The following CHL1 variants were observed in gnomAD, a reference collection of about 807,000 sequenced individuals.
CHL1 encodes neural cell adhesion molecule L1-like protein.
In CHL1, 96 loss-of-function variants were observed where a neutral mutation model predicts 141.9. The observed-to-expected ratio is 0.68, with a 90% CI of 0.57 to 0.80. The LOEUF is 0.80. Ranked by LOEUF, CHL1 falls within the 30% of genes least tolerant of loss-of-function variation. The pLI, the probability that CHL1 is intolerant of heterozygous loss-of-function variation, is 0.00. For missense variants in CHL1, 1,820 were observed against 1,457.2 expected (o/e 1.25, Z -4.05); for synonymous variants, 613 against 502.2 (o/e 1.22, Z -2.95).
intron 2 of CHL1, among the ~76,000 whole-genome samples, chr3:267,192 A>G (rs1421104893): frequency 6.6e-6 from 1 of 152,226 alleles, no homozygotes; most frequent in Non-Finnish European, 1.5e-5. Context: ...AATTCAACAA[A>G]TAAGCCATGT....
intron 3 of CHL1, among the ~76,000 whole-genome samples, chr3:324,282 G>T (rs924799600): frequency 6.6e-6 from 1 of 152,022 alleles, no homozygotes; most frequent in Non-Finnish European, 1.5e-5. Flanking sequence ...TTTAAGTTAG[G>T]CTCTGTGCCT....
chr3:336,763 T>C (rs1351655130), intron 5 of CHL1, among the ~76,000 whole-genome samples: 2 of 152,218 alleles, frequency 1.3e-5, no homozygotes, highest in African/African-American at 2.4e-5. Flanking sequence ...TTTCTGTATA[T>C]TATGTTGAAA....
At chr3:329,118 A>G (rs1253265967) in intron 5 of CHL1, among the ~76,000 whole-genome samples, 3 of 152,100 alleles carry the variant, frequency 2.0e-5, no homozygotes, top group South Asian at 4.1e-4. Flanking sequence ...CCCTATGTGC[A>G]TGGGATATCC....
intron 19 of CHL1, chr3:384,620 T>A (rs1559342081): frequency 1.3e-5 from 2 of 152,216 alleles, no homozygotes; most frequent in Non-Finnish European, 2.9e-5. Flanking sequence ...CAGTGGGGCA[T>A]TTTATTTTCT....
intron 1 of CHL1, among the ~76,000 whole-genome samples, chr3:237,146 G>T (rs914110993): frequency 6.6e-6 from 1 of 152,246 alleles, no homozygotes; most frequent in South Asian, 2.1e-4. Context: ...CCCATGTGTT[G>T]GGGGAAGGAC....
intron 18 of CHL1, among the ~76,000 whole-genome samples, chr3:383,491 T>G (rs115165733): frequency 2.6e-5 from 4 of 151,758 alleles, no homozygotes; most frequent in Non-Finnish European, 4.4e-5. Context: ...TAAATTAAAA[T>G]TTTTTTTTAA....
intron 1 of CHL1, among the ~76,000 whole-genome samples, chr3:205,104 C>CTTTCTTTTT (rs59728908): frequency 8.5e-5 from 11 of 129,132 alleles, no homozygotes; most frequent in Non-Finnish European, 1.4e-4. Flanking sequence ...TTCTTTCTTT[C>CTTTCTTTTT]TTTTTTTTTT....
At chr3:379,429 T>TC (rs898975525) in intron 16 of CHL1, among the ~76,000 whole-genome samples, 1 of 152,100 alleles carries the variant, frequency 6.6e-6, no homozygotes, top group Non-Finnish European at 1.5e-5. Context: ...AAAGGTTTAA[T>TC]CCCCTAGGAT....
intron 16 of CHL1, among the ~76,000 whole-genome samples, chr3:379,079 C>T (rs74491936): frequency 0.044 from 6,638 of 152,132 alleles, 289 homozygotes; most frequent in African/African-American, 0.11. Flanking sequence ...TCACTGTTAT[C>T]AACAGACCTT....
At chr3:287,869 G>A (rs368332979) in intron 2 of CHL1, among the ~76,000 whole-genome samples, 6 of 152,114 alleles carry the variant, frequency 3.9e-5, no homozygotes, top group South Asian at 2.1e-4. Context: ...GGGTTGAAGC[G>A]ATTCTCCTGC....
At position 391,204 on chromosome 3, in the gene CHL1, C is replaced by A. The variant is rs778768442; in HGVS notation, c.2791+45C>A. Reference sequence around the variant, plus strand: ...GAGTCATGTCAAAAATGGAGGTGATCCATGGCCATATTAAACATTCTTCCT... The same window carrying A: ...GAGTCATGTCAAAAATGGAGGTGATACATGGCCATATTAAACATTCTTCCT... On this transcript the variant is annotated intron_variant, in intron 22 of 27. Transcript: ENST00000256509. 2.0e-5 allele frequency: 28 copies of A among 1,427,768 alleles called. No homozygotes were observed. The Admixed American group carries it at 4.7e-4, about 24-fold the overall frequency. 88.4% of individuals were successfully genotyped at this position (1,427,768 alleles called of 1,614,324 possible).
chr3:262,709 G>T (rs1694836029), intron 2 of CHL1, among the ~76,000 whole-genome samples: 1 of 152,204 alleles, frequency 6.6e-6, no homozygotes, highest in South Asian at 2.1e-4. Flanking sequence ...GCTCAACTCT[G>T]GAAGAATTTT....
At chr3:198,064 C>A (rs1698537303) in intron 1 of CHL1, 2 of 299,040 alleles carry the variant, frequency 6.7e-6, no homozygotes, top group Non-Finnish European at 1.3e-5. Context: ...AAACCACGGG[C>A]CGGAGGAGCA....
At chr3:323,547 T>C (rs190729495) in intron 3 of CHL1, among the ~76,000 whole-genome samples, 11 of 152,266 alleles carry the variant, frequency 7.2e-5, no homozygotes, top group African/African-American at 2.6e-4. Context: ...TTTCAATGAA[T>C]GTTTAAAAAA....
chr3:347,885 C>A (rs1553580996), intron 9 of CHL1, among the ~76,000 whole-genome samples: 1 of 152,142 alleles, frequency 6.6e-6, no homozygotes, highest in Non-Finnish European at 1.5e-5. Context: ...CCAGGCTGCA[C>A]AGCACGTTAG....
intron 2 of CHL1, among the ~76,000 whole-genome samples, chr3:254,574 G>A (rs953017511): frequency 2.0e-5 from 3 of 152,236 alleles, no homozygotes; most frequent in African/African-American, 2.4e-5. Flanking sequence ...TATAAGCCAC[G>A]TATCTTGGTG....
chr3:323,761 A>T (rs976733978), intron 3 of CHL1, among the ~76,000 whole-genome samples: 7 of 152,204 alleles, frequency 4.6e-5, no homozygotes, highest in Admixed American at 2.0e-4. Flanking sequence ...GCCACTCGAA[A>T]GGCTGAGGCG....
At chr3:274,908 A>G (rs993183876) in intron 2 of CHL1, among the ~76,000 whole-genome samples, 22 of 152,144 alleles carry the variant, frequency 1.4e-4, no homozygotes, top group African/African-American at 5.3e-4. Context: ...TGGCATCTTC[A>G]TTTATTATTC....
At chr3:204,192 A>G (rs146811812) in intron 1 of CHL1, among the ~76,000 whole-genome samples, 44 of 152,358 alleles carry the variant, frequency 2.9e-4, no homozygotes, top group African/African-American at 1.0e-3. Context: ...AGAATAATGT[A>G]AAAGATGTAT....
Sources: allele counts gnomAD v4.1 joint callset (sites outside exome capture counted in the v4.1 genomes callset), GRCh38; gene constraint gnomAD v4.1.1; transcripts MANE v1.5; gene names NCBI Gene and HGNC (gene_info 2026-07-23, HGNC 2026-07-21).